Variants in RBFOX1 observed in about 807,000 individuals in gnomAD.
The protein encoded by RBFOX1 is RNA binding fox-1 homolog 1, also known as RNA binding protein fox-1 homolog 1.
Under a neutral mutation model 57.7 loss-of-function variants are expected in RBFOX1, and 8 were observed. The observed-to-expected ratio is 0.14, with a 90% confidence interval of 0.08 to 0.25. The LOEUF (loss-of-function observed/expected upper bound fraction) is 0.25, where lower values mean the gene tolerates loss of function less well. RBFOX1 is among the 10% of genes least tolerant of loss of function. The pLI, the probability that RBFOX1 is intolerant of heterozygous loss-of-function variation, is 1.00. For synonymous variants in RBFOX1, 326 were observed against 222.4 expected, an observed-to-expected ratio of 1.47 and a Z score of -4.15; for missense variants, 611 against 548.5, an observed-to-expected ratio of 1.11 and a Z score of -1.14.
chr16:6,941,300 C>CTCCCTCCTTCCTTCCTTCCT lies in RBFOX1; in HGVS notation c.-15-110754_-15-110753insCTCCTTCCTTCCTTCCTTCC, dbSNP rs1555654057. Among the ~76,000 whole-genome samples, 5 of 79,218 alleles carry CTCCCTCCTTCCTTCCTTCCT rather than the reference C, an allele frequency of 6.3e-5. No individual in the cohort carries two copies. In the East Asian group the frequency reaches 1.2e-3, roughly 18 times the overall value. The allele number at this position is 79,218 out of a possible 152,430, so 52.0% of individuals were successfully genotyped here. ...CTCCCTTCCCTCCTTCCCTCCCTCC[C>CTCCCTCCTTCCTTCCTTCCT]TCCTTCCTTCCTTCCTTCCTTCCTT... On this transcript the variant is annotated intron_variant, in intron 3 of 15. Transcript: ENST00000550418.
chr16:7,403,623 G>A (rs2098281895), intron 4 of RBFOX1, among the ~76,000 whole-genome samples: 1 of 149,788 alleles, frequency 6.7e-6, no homozygotes, highest in East Asian at 2.0e-4. Flanking sequence ...CTCAGGTCAG[G>A]GCAACCTCCG....
intron 4 of RBFOX1, among the ~76,000 whole-genome samples, chr16:5,928,455 C>G (rs1409092175): frequency 6.6e-6 from 1 of 151,908 alleles, no homozygotes. Flanking sequence ...TGCTAATTAG[C>G]TTGATTTAAT....
intron 4 of RBFOX1, among the ~76,000 whole-genome samples, chr16:7,364,541 G>A (rs1251418338): frequency 6.8e-6 from 1 of 148,126 alleles, no homozygotes; most frequent in Non-Finnish European, 1.5e-5. Context: ...TTTATTGGGA[G>A]GATATTGAGT....
At chr16:5,383,520 CAT>C (rs1261800151) in intron 1 of RBFOX1, among the ~76,000 whole-genome samples, 3 of 152,208 alleles carry the variant, frequency 2.0e-5, no homozygotes, top group Non-Finnish European at 2.9e-5. Context: ...ATATCAAAGA[CAT>C]AGAATATTCA....
intron 4 of RBFOX1, among the ~76,000 whole-genome samples, chr16:7,220,290 G>T (rs995628984): frequency 6.6e-6 from 1 of 152,138 alleles, no homozygotes; most frequent in Non-Finnish European, 1.5e-5. Context: ...ATTTTTCCTG[G>T]CTCTGACATT....
chr16:7,305,297 T>G (rs1186724689), intron 4 of RBFOX1, among the ~76,000 whole-genome samples: 2 of 152,122 alleles, frequency 1.3e-5, no homozygotes, highest in Non-Finnish European at 2.9e-5. Context: ...TGTCATTCTT[T>G]CTTTATTGGA....
intron 4 of RBFOX1, among the ~76,000 whole-genome samples, chr16:7,218,179 C>T (rs2092403723): frequency 6.6e-6 from 1 of 152,244 alleles, no homozygotes; most frequent in Middle Eastern, 3.4e-3. Flanking sequence ...GATCCTTTGC[C>T]TGAGTAGGTG....
intron 3 of RBFOX1, among the ~76,000 whole-genome samples, chr16:6,957,086 T>G (rs1225802633): frequency 6.7e-6 from 1 of 148,436 alleles, no homozygotes; most frequent in African/African-American, 2.5e-5. Context: ...CCATGTTTTT[T>G]GGTTATTTAT....
intron 3 of RBFOX1, among the ~76,000 whole-genome samples, chr16:5,803,703 A>T (rs17792339): frequency 6.6e-6 from 1 of 152,000 alleles, no homozygotes; most frequent in Non-Finnish European, 1.5e-5. Flanking sequence ...GTACCATACT[A>T]GGCACAGAGT....
At chr16:5,958,551 T>C (rs1022156917) in intron 4 of RBFOX1, among the ~76,000 whole-genome samples, 3 of 152,184 alleles carry the variant, frequency 2.0e-5, no homozygotes, top group Admixed American at 6.5e-5. Context: ...AAAAGGGGGA[T>C]GATAAGAGCA....
At position 5,584,463 on chromosome 16, in the gene RBFOX1, A is replaced by C. The variant is rs774529282; in HGVS notation, c.259-14439A>C. Among the ~76,000 whole-genome samples, 190 of 152,204 alleles carry C rather than the reference A, an allele frequency of 1.2e-3. 2 individuals are homozygous for C. The highest frequency in any genetic ancestry group is 2.3e-3 in the Non-Finnish European group (154 of 68,010). ...CGTCTTCCCTTGTCTCATTACGTCT[A>C]TTTCTGATACCATTGCCCACTTGCA... On this transcript the variant is annotated intron_variant, in intron 2 of 2. Transcript: ENST00000585867.
intron 5 of RBFOX1, among the ~76,000 whole-genome samples, chr16:7,553,170 G>C (rs1224147390): frequency 6.6e-6 from 1 of 151,742 alleles, no homozygotes; most frequent in Non-Finnish European, 1.5e-5. Flanking sequence ...TTAGAGACAG[G>C]GTCTTTCTCT....
intron 1 of RBFOX1, among the ~76,000 whole-genome samples, chr16:6,250,011 A>G (rs995120377): frequency 6.6e-6 from 1 of 152,050 alleles, no homozygotes; most frequent in Non-Finnish European, 1.5e-5. Context: ...AGAAAGGCCA[A>G]AAGGAGGTTC....
intron 1 of RBFOX1, among the ~76,000 whole-genome samples, chr16:6,178,417 T>A (rs901771517): frequency 2.0e-5 from 3 of 151,978 alleles, no homozygotes; most frequent in Non-Finnish European, 4.4e-5. Context: ...ACTCCTGACC[T>A]CGTGATCTGC....
chr16:6,290,883 A>C (rs950158850), intron 1 of RBFOX1, among the ~76,000 whole-genome samples: 2 of 152,176 alleles, frequency 1.3e-5, no homozygotes, highest in Non-Finnish European at 2.9e-5. Flanking sequence ...TGAGTCTATA[A>C]AGTGAAAGCA....
intron 4 of RBFOX1, among the ~76,000 whole-genome samples, chr16:5,958,155 CT>C (rs1004870915): frequency 7.9e-5 from 12 of 152,258 alleles, no homozygotes; most frequent in Admixed American, 7.8e-4. Context: ...TGGGGAGATA[CT>C]TTTTTGTGTA....
chr16:6,300,840 A>G (rs949386181), intron 1 of RBFOX1, among the ~76,000 whole-genome samples: 3 of 152,132 alleles, frequency 2.0e-5, no homozygotes, highest in Non-Finnish European at 2.9e-5. Context: ...TCTGCTGGGA[A>G]TCTTGTTTTG....
chr16:5,529,986 C>T (rs946512507), intron 2 of RBFOX1, among the ~76,000 whole-genome samples: 4 of 152,136 alleles, frequency 2.6e-5, no homozygotes, highest in African/African-American at 4.8e-5. Context: ...GCAAGAGGCA[C>T]ACAACAGATT....
intron 4 of RBFOX1, among the ~76,000 whole-genome samples, chr16:7,468,170 G>T (rs764123400): frequency 3.2e-4 from 48 of 152,184 alleles, no homozygotes; most frequent in Non-Finnish European, 5.7e-4. Context: ...CAGTAAAGTT[G>T]CTTGGTACAC....
Sources: allele counts gnomAD v4.1 joint callset (sites outside exome capture counted in the v4.1 genomes callset), GRCh38; gene constraint gnomAD v4.1.1; transcripts MANE v1.5; gene names NCBI Gene and HGNC (gene_info 2026-07-23, HGNC 2026-07-21).